EBF2: variants seen among roughly 807,000 people sequenced by gnomAD.
The protein encoded by EBF2 is EBF transcription factor 2.
In EBF2, 21 loss-of-function variants were observed where a neutral mutation model predicts 72.8. The observed-to-expected ratio is 0.29, with a 90% CI of 0.20 to 0.42. The LOEUF (loss-of-function observed/expected upper bound fraction) is 0.42. EBF2 is among the 10% of genes least tolerant of loss of function. The pLI is 1.00. For missense variants in EBF2, 637 were observed against 731.2 expected, an observed-to-expected ratio of 0.87 and a Z score of 1.49; for synonymous variants, 299 against 274.2, an observed-to-expected ratio of 1.09 and a Z score of -0.89.
rs187490592 is a variant in EBF2, at chr8:25,844,775, G to A, written c.1697-135C>T. On this transcript the variant is annotated intron_variant, in intron 15 of 15. Transcript: ENST00000520164. The stretch of plus-strand genomic sequence containing the variant: ...AGGAGATGGTGCCCTCAGCTGATAT[G>A]AGGACCTGTTCTCCAGGTTTGGTCT... The A allele has an allele frequency of 1.3e-4, 143 of 1,113,948 alleles. No individual in the cohort carries two copies. In the African/African-American group the frequency reaches 2.0e-3, roughly 16 times the overall value. 69.0% of individuals were successfully genotyped at this position (1,113,948 alleles called of 1,614,324 possible). A position where few individuals can be genotyped will look rare whatever the true frequency, so the allele number is the denominator to read the frequency against.
At chr8:25,983,294 A>C (rs1804393393) in intron 6 of EBF2, among the ~76,000 whole-genome samples, 1 of 152,244 alleles carries the variant, frequency 6.6e-6, no homozygotes, top group South Asian at 2.1e-4. Context: ...ACACCACAAA[A>C]TCATGTGGAC....
At chr8:25,959,846 T>C (rs757638722) in intron 6 of EBF2, among the ~76,000 whole-genome samples, 1 of 152,092 alleles carries the variant, frequency 6.6e-6, no homozygotes, top group Non-Finnish European at 1.5e-5. Flanking sequence ...GAGAAGCAAA[T>C]GGCACCCAAC....
In EBF2 at chr8:26,031,564, T is replaced by TA; in HGVS notation, c.551+1520dup. The TA allele has an allele frequency of 2.0e-5, 3 of 151,620 alleles. No homozygotes were observed. In the Admixed American group the frequency reaches 2.0e-4, roughly 10 times the overall value. 9.4% of individuals were successfully genotyped at this position (151,620 alleles called of 1,614,324 possible). ...GATTTTCCTGCCTCAGCCTCCCAAG[T>TA]AGCTGGGATTACAGGCATGTGCCAC... On this transcript the variant is annotated intron_variant, in intron 6 of 15. Transcript: ENST00000520164.
In EBF2 at chr8:25,862,751, C is replaced by T. The variant is rs28454030; in HGVS notation, c.1056G>A (p.Lys352=). ...GATCTCCAGGATGCCTAGGGATGAC[C>T]TTCTGCAGTCTCTGGAAGCCATAGT... ...TIDYGFQRLQ[K]VIPRHPGDPE... The change falls in exon 11 of 16, where the codon AAG becomes AAA. Residue 352 remains lysine, a synonymous_variant. Transcript: ENST00000520164. The T allele has an allele frequency of 5.2e-3, 8,340 of 1,605,392 alleles. 335 individuals are homozygous for T. The African/African-American group carries it at 0.084, about 16-fold the overall frequency.
chr8:25,975,333 G>C (rs1804252409), intron 6 of EBF2, among the ~76,000 whole-genome samples: 1 of 152,136 alleles, frequency 6.6e-6, no homozygotes, highest in Admixed American at 6.5e-5. Flanking sequence ...AGTTGGTACA[G>C]AATCAACTGT....
At chr8:26,023,098 C>G (rs1805230926) in intron 6 of EBF2, among the ~76,000 whole-genome samples, 1 of 152,202 alleles carries the variant, frequency 6.6e-6, no homozygotes, top group Admixed American at 6.5e-5. Context: ...GCATGCCACT[C>G]TCTTAGCTGG....
At chr8:25,918,404 C>T (rs10090021) in intron 6 of EBF2, among the ~76,000 whole-genome samples, 140,274 of 152,276 alleles carry the variant, frequency 0.92, 64,707 homozygotes, top group African/African-American at 0.97. Flanking sequence ...CTGCAAATTT[C>T]TAAATTAAAC....
intron 6 of EBF2, among the ~76,000 whole-genome samples, chr8:25,926,535 T>A (rs988281384): frequency 6.6e-6 from 1 of 152,326 alleles, no homozygotes; most frequent in South Asian, 2.1e-4. Flanking sequence ...TATCTTTGTC[T>A]GTATGCATCA....
intron 6 of EBF2, among the ~76,000 whole-genome samples, chr8:25,935,261 A>G (rs531541746): frequency 6.6e-6 from 1 of 151,832 alleles, no homozygotes; most frequent in East Asian, 1.9e-4. Flanking sequence ...GGGATTGGAA[A>G]GGGGGGGAAA....
intron 7 of EBF2, among the ~76,000 whole-genome samples, chr8:25,904,852 T>C (rs555583426): frequency 1.3e-5 from 2 of 152,308 alleles, no homozygotes; most frequent in East Asian, 3.9e-4. Context: ...AAGTACAGTA[T>C]AAAAATTGCC....
rs112482700 is a variant in EBF2 at position 26,026,424 on chromosome 8, T to C, written c.551+6661A>G. Among the ~76,000 whole-genome samples the C allele has an allele frequency of 1.3e-3, 191 of 152,274 alleles. 4 individuals carry two copies. The highest frequency in any genetic ancestry group is 4.4e-3 in the African/African-American group (182 of 41,546). Reference sequence around the variant, plus strand: ...ACCCATGAACCCAAAGCACTTCATTTGACAAATAGGGGAACTGAGTCACAG... The same window carrying C: ...ACCCATGAACCCAAAGCACTTCATTCGACAAATAGGGGAACTGAGTCACAG... On this transcript the variant is annotated intron_variant, in intron 6 of 15. Coordinates refer to ENST00000520164, the MANE Select transcript of EBF2 (RefSeq NM_022659.4).
chr8:25,934,508 T>A (rs1040032692), intron 6 of EBF2, among the ~76,000 whole-genome samples: 1 of 152,040 alleles, frequency 6.6e-6, no homozygotes, highest in South Asian at 2.1e-4. Context: ...GGGAAGAGAG[T>A]TGGAAGCACA....
intron 6 of EBF2, among the ~76,000 whole-genome samples, chr8:25,976,426 A>T (rs529737599): frequency 3.7e-4 from 56 of 152,366 alleles, no homozygotes; most frequent in African/African-American, 1.3e-3. Flanking sequence ...CACCGTCTTT[A>T]GAGTCACTCA....
At chr8:26,042,808 C>A (rs891698677) in intron 1 of EBF2, among the ~76,000 whole-genome samples, 49 of 152,300 alleles carry the variant, frequency 3.2e-4, no homozygotes, top group African/African-American at 1.2e-3. Flanking sequence ...TGGGTAAGAA[C>A]CCCAAGGGGC....
intron 6 of EBF2, among the ~76,000 whole-genome samples, chr8:25,943,631 A>G (rs1296906033): frequency 1.3e-5 from 2 of 152,158 alleles, no homozygotes; most frequent in Non-Finnish European, 2.9e-5. Context: ...ACCCTCAGAA[A>G]ACATGGTGAC....
intron 5 of EBF2, among the ~76,000 whole-genome samples, chr8:26,037,579 C>T (rs770672072): frequency 1.2e-4 from 19 of 152,176 alleles, no homozygotes; most frequent in Non-Finnish European, 2.4e-4. Context: ...GTCTAGCCTG[C>T]GCCTTGTGGC....
chr8:25,860,200 C>T (rs1333641064), intron 13 of EBF2, among the ~76,000 whole-genome samples: 1 of 152,170 alleles, frequency 6.6e-6, no homozygotes, highest in Non-Finnish European at 1.5e-5. Context: ...ATGCAAATGT[C>T]TTTACACGGT....
chr8:25,970,662 C>T (rs1804176748), intron 6 of EBF2, among the ~76,000 whole-genome samples: 1 of 152,178 alleles, frequency 6.6e-6, no homozygotes, highest in African/African-American at 2.4e-5. Flanking sequence ...ATGCAGCCTG[C>T]AGAAATGAGG....
chr8:25,908,381 G>T (rs1803074112), intron 7 of EBF2, 93 bp downstream of exon 7: 1 of 972,902 alleles, frequency 1.0e-6, no homozygotes, highest in Non-Finnish European at 1.6e-6. Flanking sequence ...GCAGTGAATA[G>T]TAATTTTTAA....
Sources: gnomAD v4.1 joint callset for allele counts (sites outside exome capture counted in the v4.1 genomes callset) on GRCh38, gnomAD v4.1.1 for gene constraint, MANE v1.5 for transcripts, NCBI Gene and HGNC (gene_info 2026-07-23, HGNC 2026-07-21) for gene names.